The following SBSPON variants were observed in gnomAD, a reference collection of about 807,000 sequenced individuals.
SBSPON encodes somatomedin B and thrombospondin type 1 domain containing.
In SBSPON, 30 loss-of-function variants were observed where a neutral mutation model predicts 35.8. The ratio of observed to expected loss-of-function variants is 0.84; its 90% confidence interval spans 0.63 to 1.14. The LOEUF is 1.14. Among genes scored for constraint, SBSPON ranks in the 50% most tolerant of loss-of-function variants. SBSPON has a pLI of 0.00. For missense variants in SBSPON, 364 were observed against 357.7 expected (o/e 1.02, Z -0.14); for synonymous variants, 136 against 135.9 (o/e 1.00, Z 0.00).
intron 1 of SBSPON, among the ~76,000 whole-genome samples, chr8:73,088,411 C>T (rs1216949837): frequency 6.6e-6 from 1 of 152,090 alleles, no homozygotes; most frequent in Non-Finnish European, 1.5e-5. Context: ...GGCCAGGCAC[C>T]CTGGCTCACA....
Position 73,069,208 on chromosome 8 carries a change from A to G in SBSPON, c.677+597T>C, listed in dbSNP as rs542135551. 2.0e-5 allele frequency among the ~76,000 whole-genome samples: 3 copies of G among 152,156 alleles called. No homozygotes were observed. The East Asian group carries it at 5.8e-4, about 29-fold the overall frequency. ...CTCCATCTCACGAGATTCTGATTCT[A>G]GTGATCTTCAGAACACCACTTTGGA... On this transcript the variant is annotated intron_variant, in intron 4 of 4. Transcript: ENST00000297354.
At chr8:73,091,912 G>C (rs921934818) in intron 1 of SBSPON, among the ~76,000 whole-genome samples, 2 of 152,198 alleles carry the variant, frequency 1.3e-5, no homozygotes, top group Non-Finnish European at 2.9e-5. Context: ...AAAATGCTGA[G>C]GCTCCCACAT....
In SBSPON at chr8:73,093,106, C is replaced by G. The variant is rs957179547; in HGVS notation, c.-39G>C. Reference sequence around the variant, plus strand: ...GCGGCGCCTGCGACGCGACAGACCCCCGGGGCAAGCGCTCTGATCCTCGGC... The same window carrying G: ...GCGGCGCCTGCGACGCGACAGACCCGCGGGGCAAGCGCTCTGATCCTCGGC... On this transcript the variant is annotated 5_prime_UTR_variant, in exon 1 of 5. Coordinates refer to ENST00000297354, the MANE Select transcript of SBSPON (RefSeq NM_153225.4). The G allele has an allele frequency of 9.4e-6, 11 of 1,171,924 alleles. No individual in the cohort carries two copies. In the African/African-American group the frequency reaches 1.6e-4, roughly 17 times the overall value. The allele number at this position is 1,171,924 out of a possible 1,614,324, so 72.6% of individuals were successfully genotyped here.
chr8:73,086,645 G>GT (rs1242734399), intron 1 of SBSPON, among the ~76,000 whole-genome samples: 13 of 124,820 alleles, frequency 1.0e-4, no homozygotes, highest in East Asian at 5.0e-4. Context: ...CCCCAAAGGG[G>GT]TTTTTTTTCC....
At chr8:73,087,356 G>T (rs1810851709) in intron 1 of SBSPON, among the ~76,000 whole-genome samples, 1 of 152,160 alleles carries the variant, frequency 6.6e-6, no homozygotes, top group Admixed American at 6.5e-5. Flanking sequence ...TCAGCGGGTT[G>T]AGGGATCCAA....
chr8:73,092,757 C>A, intron 1 of SBSPON, 97 bp downstream of exon 1: 1 of 924,368 alleles, frequency 1.1e-6, no homozygotes, highest in Non-Finnish European at 1.7e-6. Flanking sequence ...TGGAGGACAC[C>A]TGGCTCAGGG....
intron 2 of SBSPON, among the ~76,000 whole-genome samples, chr8:73,074,757 A>AG (rs1439057934): frequency 4.6e-5 from 7 of 152,238 alleles, no homozygotes; most frequent in Non-Finnish European, 1.0e-4. Flanking sequence ...GAGTCACCTC[A>AG]GTCCATGAGA....
chr8:73,080,313 G>C (rs1810671439), intron 2 of SBSPON, among the ~76,000 whole-genome samples: 1 of 152,140 alleles, frequency 6.6e-6, no homozygotes, highest in Admixed American at 6.5e-5. Flanking sequence ...AGGAGATCGA[G>C]ACCATCCTGG....
rs561963488 is a variant in SBSPON at position 73,066,682 on chromosome 8, A to C, written c.*659T>G. ...TCATGAAAATTATAACATTTAAAAG[A>C]ACTCCCATTGACCTACAATGAGCAT... On this transcript the variant is annotated 3_prime_UTR_variant, in exon 5 of 5. Transcript: ENST00000297354. The C allele has an allele frequency of 4.6e-5, 7 of 152,192 alleles. No homozygotes were observed. Among genetic ancestry groups the C allele is most frequent in the Non-Finnish European group, 1.0e-4 (7 of 68,036 alleles). The allele number at this position is 152,192 out of a possible 1,614,324, so 9.4% of individuals were successfully genotyped here.
At chr8:73,083,287 G>A (rs1810752548) in intron 1 of SBSPON, among the ~76,000 whole-genome samples, 1 of 152,156 alleles carries the variant, frequency 6.6e-6, no homozygotes, top group South Asian at 2.1e-4. Flanking sequence ...TCAGAAAGTT[G>A]TAGGGTCCAG....
chr8:73,081,990 C>T (rs555910636), intron 1 of SBSPON, among the ~76,000 whole-genome samples: 31 of 152,288 alleles, frequency 2.0e-4, no homozygotes, highest in Non-Finnish European at 2.9e-4. Context: ...CGGTGTGGGG[C>T]TCAGCTGGTT....
chr8:73,082,196 T>A (rs549805953), intron 1 of SBSPON, among the ~76,000 whole-genome samples: 63 of 152,358 alleles, frequency 4.1e-4, no homozygotes, highest in African/African-American at 1.5e-3. Flanking sequence ...AACTTTCTCA[T>A]TGAAAGTTTT....
At chr8:73,070,704 A>G (rs1398494890) in intron 3 of SBSPON, among the ~76,000 whole-genome samples, 1 of 152,232 alleles carries the variant, frequency 6.6e-6, no homozygotes, top group Non-Finnish European at 1.5e-5. Flanking sequence ...GACATGAGGA[A>G]TATTTTAGAA....
chr8:73,092,888 C>T lies in SBSPON; in HGVS notation c.180G>A (p.Gly60=). 6.2e-7 allele frequency: 1 copy of T among 1,612,042 alleles called. No individual in the cohort carries two copies. Among genetic ancestry groups the T allele is most frequent in the Admixed American group, 1.7e-5 (1 of 59,878 alleles). Residue 60 remains glycine, a synonymous_variant, in exon 1 of 5, where the codon GGG becomes GGA. Transcript: ENST00000297354. ...CCCTGTCGTAGTCGAAGCAGCAGTC[C>T]CCGGTGAAGCGACAGGCTTGGTCGC... ...CFCDQACRFT[G]DCCFDYDRAC...
intron 2 of SBSPON, among the ~76,000 whole-genome samples, chr8:73,077,320 G>C (rs1351932093): frequency 6.6e-6 from 1 of 152,242 alleles, no homozygotes; most frequent in Non-Finnish European, 1.5e-5. Context: ...ATGCCTGTAA[G>C]ATCTCTCTGC....
chr8:73,082,920 T>A (rs539657890), intron 1 of SBSPON, among the ~76,000 whole-genome samples: 1 of 152,312 alleles, frequency 6.6e-6, no homozygotes, highest in Admixed American at 6.5e-5. Context: ...TAATATTGCA[T>A]AAAAAGAATG....
intron 1 of SBSPON, among the ~76,000 whole-genome samples, chr8:73,082,482 C>T (rs537056222): frequency 1.4e-4 from 22 of 152,250 alleles, no homozygotes; most frequent in African/African-American, 5.1e-4. Context: ...GCATAGCTAC[C>T]CCTGACATAA....
intron 3 of SBSPON, among the ~76,000 whole-genome samples, chr8:73,070,732 GT>G (rs894943316): frequency 2.6e-5 from 4 of 152,208 alleles, no homozygotes; most frequent in African/African-American, 9.7e-5. Flanking sequence ...CTTCAGTGCA[GT>G]TTTCCAATTC....
chr8:73,090,080 G>A, intron 1 of SBSPON, among the ~76,000 whole-genome samples: 1 of 152,222 alleles, frequency 6.6e-6, no homozygotes, highest in East Asian at 1.9e-4. Flanking sequence ...GTTTCGCCAT[G>A]TTGGCCAGGC....
Sources: allele counts gnomAD v4.1 joint callset (sites outside exome capture counted in the v4.1 genomes callset), GRCh38; gene constraint gnomAD v4.1.1; transcripts MANE v1.5; gene names NCBI Gene and HGNC (gene_info 2026-07-23, HGNC 2026-07-21).